Variants in PRIM2 observed in about 807,000 individuals in gnomAD.
PRIM2 encodes the protein DNA primase subunit 2, also known as DNA primase large subunit.
Under a neutral mutation model 67.3 loss-of-function variants are expected in PRIM2, and 39 were observed. That is an observed-to-expected ratio of 0.58 (90% confidence interval 0.45 to 0.76). PRIM2 has a LOEUF of 0.76. PRIM2 is among the 30% of genes least tolerant of loss of function. The pLI is 0.00. For synonymous variants in PRIM2, 143 were observed against 198.7 expected, an observed-to-expected ratio of 0.72 and a Z score of 2.36; for missense variants, 398 against 598.7, an observed-to-expected ratio of 0.66 and a Z score of 3.50.
intron 13 of PRIM2, among the ~76,000 whole-genome samples, chr6:57,643,741 T>G (rs1472672959): frequency 6.6e-6 from 1 of 152,198 alleles, no homozygotes; most frequent in Admixed American, 6.5e-5. Context: ...CAGAAACATT[T>G]TGAAATCAAG....
At chr6:57,267,687 T>A in the PRIM2 span, among the ~76,000 whole-genome samples, 1 of 149,550 alleles carries the variant, frequency 6.7e-6, no homozygotes, top group African/African-American at 2.5e-5. Context: ...GGCGGGAGGA[T>A]CACTTGAGGC....
chr6:57,330,006 A>G (rs1767998842), intron 5 of PRIM2, among the ~76,000 whole-genome samples: 3 of 152,054 alleles, frequency 2.0e-5, no homozygotes, highest in Admixed American at 6.6e-5. Flanking sequence ...GCATTTTTTA[A>G]TGAATTTTGG....
At chr6:57,322,113 G>A (rs1767680098) in intron 3 of PRIM2, among the ~76,000 whole-genome samples, 1 of 152,168 alleles carries the variant, frequency 6.6e-6, no homozygotes, top group African/African-American at 2.4e-5. Context: ...TAGCTGAAAA[G>A]AGAAGAGAAA....
chr6:57,361,371 G>A (rs1769194306), intron 5 of PRIM2, among the ~76,000 whole-genome samples: 1 of 152,128 alleles, frequency 6.6e-6, no homozygotes, highest in Non-Finnish European at 1.5e-5. Flanking sequence ...GGCACTGTAA[G>A]TAGGATTAGA....
the PRIM2 span, among the ~76,000 whole-genome samples, chr6:57,240,691 T>C: frequency 2.0e-5 from 3 of 152,058 alleles, no homozygotes; most frequent in African/African-American, 7.2e-5. Context: ...GGAGAGATAA[T>C]TGATAGAATA....
intron 7 of PRIM2, among the ~76,000 whole-genome samples, chr6:57,399,706 T>A (rs1171535379): frequency 1.3e-5 from 2 of 152,066 alleles, no homozygotes; most frequent in Admixed American, 6.5e-5. Context: ...GCACCTGTTG[T>A]TTCCTGACTT....
At chr6:57,456,061 A>G (rs972958103) in intron 7 of PRIM2, among the ~76,000 whole-genome samples, 10,581 of 152,134 alleles carry the variant, frequency 0.07, 524 homozygotes, top group East Asian at 0.2. Flanking sequence ...GTTTGGCTGG[A>G]TATGAAATTC....
Position 57,328,370 on chromosome 6 carries a change from C to A in PRIM2, c.459+2325C>A, listed in dbSNP as rs561553683. Among the ~76,000 whole-genome samples the A allele has an allele frequency of 2.2e-4, 33 of 152,258 alleles. No individual in the cohort carries two copies. The East Asian group carries it at 5.2e-3, about 24-fold the overall frequency. Reference sequence around the variant, plus strand: ...CATTCCCTATTCTTCCTCTCCCAACCCTTGGCAACCACTAACCTGCTTTCT... The same window carrying A: ...CATTCCCTATTCTTCCTCTCCCAACACTTGGCAACCACTAACCTGCTTTCT... On this transcript the variant is annotated intron_variant, in intron 5 of 13. Coordinates refer to ENST00000615550, the MANE Select transcript of PRIM2 (RefSeq NM_000947.5).
chr6:57,274,081 CA>C, the PRIM2 span, among the ~76,000 whole-genome samples: 1 of 152,230 alleles, frequency 6.6e-6, no homozygotes, highest in South Asian at 2.1e-4. Flanking sequence ...GTCAGGGACC[CA>C]CTTGAGGAGG....
the PRIM2 span, among the ~76,000 whole-genome samples, chr6:57,266,779 T>C: frequency 6.6e-6 from 1 of 152,220 alleles, no homozygotes; most frequent in Non-Finnish European, 1.5e-5. Flanking sequence ...GCTTTCTCTT[T>C]AATTTTTGAT....
rs1470277627 is a variant in PRIM2 at position 57,533,615 on chromosome 6, T to G, written c.834+1132T>G. On this transcript the variant is annotated intron_variant, in intron 9 of 13. Transcript: ENST00000615550. ...AAACACTTATCTCTAACAGTCCACT[T>G]TCTCACTTCCACTCATGTGATTTGT... Among the ~76,000 whole-genome samples, 10 of 152,352 alleles carry G rather than the reference T, an allele frequency of 6.6e-5. No individual in the cohort carries two copies. In the East Asian group the frequency reaches 1.3e-3, roughly 21 times the overall value.
At chr6:57,268,743 A>G in the PRIM2 span, among the ~76,000 whole-genome samples, 1 of 148,514 alleles carries the variant, frequency 6.7e-6, no homozygotes, top group African/African-American at 2.5e-5. Flanking sequence ...TTAACTCGTC[A>G]TTTAGCATTA....
At chr6:57,612,584 A>G (rs2127494622) in intron 12 of PRIM2, among the ~76,000 whole-genome samples, 1 of 152,266 alleles carries the variant, frequency 6.6e-6, no homozygotes, top group South Asian at 2.1e-4. Context: ...GACAAGGGAA[A>G]TATTTTTGGG....
At chr6:57,457,663 C>T (rs1463160085) in intron 7 of PRIM2, among the ~76,000 whole-genome samples, 32 of 152,188 alleles carry the variant, frequency 2.1e-4, no homozygotes, top group African/African-American at 6.7e-4. Flanking sequence ...GGGAGTGAAC[C>T]GATTTTCCAG....
chr6:57,619,170 A>T (rs1289139558), intron 12 of PRIM2, among the ~76,000 whole-genome samples: 6 of 152,208 alleles, frequency 3.9e-5, no homozygotes, highest in Non-Finnish European at 7.3e-5. Context: ...GAAGAGAGAC[A>T]ACAATTATTG....
At chr6:57,316,274 A>G (rs1235969319), upstream of PRIM2, among the ~76,000 whole-genome samples, 1 of 152,164 alleles carries the variant, frequency 6.6e-6, no homozygotes, top group East Asian at 1.9e-4. Flanking sequence ...AAATACAAAA[A>G]TTAGCCAGGC....
Position 57,324,133 on chromosome 6 carries a change from C to G in PRIM2, c.259-68C>G. The G allele has an allele frequency of 3.5e-6, 3 of 849,298 alleles. No individual in the cohort carries two copies. In the South Asian group the frequency reaches 4.6e-5, roughly 13 times the overall value. The allele number at this position is 849,298 out of a possible 1,614,324, so 52.6% of individuals were successfully genotyped here. ...TTACTTTACCATTGGCTTAGGCTGG[C>G]TCAGTATTTCCTTACACCTCTTACC... On this transcript the variant is annotated intron_variant, in intron 3 of 13. Transcript: ENST00000615550.
chr6:57,498,926 A>C (rs1366011039), intron 7 of PRIM2, among the ~76,000 whole-genome samples: 1 of 152,200 alleles, frequency 6.6e-6, no homozygotes, highest in Non-Finnish European at 1.5e-5. Flanking sequence ...TCATCATTTG[A>C]AAAAGAAAAT....
chr6:57,326,184 G>T, intron 5 of PRIM2, 139 bp downstream of exon 5: 2 of 870,970 alleles, frequency 2.3e-6, no homozygotes, highest in South Asian at 4.1e-5. Context: ...AATAGCTTTG[G>T]ATAACAATAT....
Sources: allele counts gnomAD v4.1 joint callset (sites outside exome capture counted in the v4.1 genomes callset), GRCh38; gene constraint gnomAD v4.1.1; transcripts MANE v1.5; gene names NCBI Gene and HGNC (gene_info 2026-07-23, HGNC 2026-07-21).